Variants in MAPKAP1 observed in about 807,000 individuals in gnomAD.
The protein encoded by MAPKAP1 is MAPK associated protein 1.
In MAPKAP1, 20 loss-of-function variants were observed where a neutral mutation model predicts 65.7. The observed-to-expected ratio is 0.30, with a 90% CI of 0.21 to 0.44. MAPKAP1 has a LOEUF of 0.44. Among genes scored for constraint, MAPKAP1 ranks in the 20% least tolerant of loss-of-function variants. The pLI, the probability that MAPKAP1 is intolerant of heterozygous loss-of-function variation, is 1.00. For synonymous variants in MAPKAP1, 222 were observed against 244.3 expected (o/e 0.91, Z 0.85); for missense variants, 423 against 648.0 (o/e 0.65, Z 3.77).
At chr9:125,623,065 C>T (rs923695794) in intron 4 of MAPKAP1, among the ~76,000 whole-genome samples, 8 of 151,056 alleles carry the variant, frequency 5.3e-5, no homozygotes, top group Non-Finnish European at 1.0e-4. Flanking sequence ...CCCGAGGTGC[C>T]GGGATTGCAG....
At chr9:125,555,949 A>T (rs1178471655) in intron 6 of MAPKAP1, among the ~76,000 whole-genome samples, 1 of 152,208 alleles carries the variant, frequency 6.6e-6, no homozygotes, top group East Asian at 1.9e-4. Flanking sequence ...GCAGAGATCT[A>T]CTCAGTAACC....
intron 8 of MAPKAP1, among the ~76,000 whole-genome samples, chr9:125,502,787 T>C (rs1829023045): frequency 6.6e-6 from 1 of 152,250 alleles, no homozygotes; most frequent in African/African-American, 2.4e-5. Context: ...CTGTACCGCC[T>C]GTCCATGAGG....
At chr9:125,521,100 C>T (rs1190129095) in intron 7 of MAPKAP1, among the ~76,000 whole-genome samples, 2 of 152,196 alleles carry the variant, frequency 1.3e-5, no homozygotes, top group African/African-American at 4.8e-5. Context: ...CCAAAAACTT[C>T]AAAACTTGCA....
intron 7 of MAPKAP1, among the ~76,000 whole-genome samples, chr9:125,529,482 CT>C (rs1829873503): frequency 6.9e-6 from 1 of 144,054 alleles, no homozygotes; most frequent in Non-Finnish European, 1.5e-5. Flanking sequence ...TCACACTGTT[CT>C]GCTATTAAAA....
At chr9:125,662,865 A>C (rs999894781) in intron 3 of MAPKAP1, among the ~76,000 whole-genome samples, 9 of 152,098 alleles carry the variant, frequency 5.9e-5, no homozygotes, top group Non-Finnish European at 1.0e-4. Flanking sequence ...TTATATGTTA[A>C]AAATACAAAG....
chr9:125,664,883 G>GGA (rs1439059198), intron 3 of MAPKAP1, among the ~76,000 whole-genome samples: 1 of 152,144 alleles, frequency 6.6e-6, no homozygotes, highest in African/African-American at 2.4e-5. Context: ...AAACTGTCCA[G>GGA]GAGGTGAATT....
intron 9 of MAPKAP1, among the ~76,000 whole-genome samples, chr9:125,480,610 G>A (rs559805071): frequency 6.6e-6 from 1 of 152,328 alleles, no homozygotes; most frequent in African/African-American, 2.4e-5. Context: ...TGGACCTGGA[G>A]AGAGGGCAAT....
chr9:125,681,705 C>T (rs1173892485), intron 1 of MAPKAP1, among the ~76,000 whole-genome samples: 1 of 152,204 alleles, frequency 6.6e-6, no homozygotes, highest in African/African-American at 2.4e-5. Context: ...TACAGTAACA[C>T]ACCATAAGAA....
At chr9:125,657,038 A>G (rs1196481967) in intron 4 of MAPKAP1, among the ~76,000 whole-genome samples, 2 of 152,218 alleles carry the variant, frequency 1.3e-5, no homozygotes, top group South Asian at 4.1e-4. Flanking sequence ...AATGCAAGCA[A>G]TAGCCTAGAA....
At chr9:125,625,475 C>T (rs1833090862) in intron 4 of MAPKAP1, among the ~76,000 whole-genome samples, 1 of 152,050 alleles carries the variant, frequency 6.6e-6, no homozygotes, top group Non-Finnish European at 1.5e-5. Context: ...TTTTTATAAG[C>T]TTAACAAAAG....
chr9:125,448,132 C>T (rs970391437), intron 10 of MAPKAP1, among the ~76,000 whole-genome samples: 9 of 152,106 alleles, frequency 5.9e-5, no homozygotes, highest in African/African-American at 2.2e-4. Context: ...TAAGCAGTTC[C>T]CGTAGTCAGC....
intron 4 of MAPKAP1, among the ~76,000 whole-genome samples, chr9:125,654,969 A>T (rs1202368438): frequency 1.3e-5 from 2 of 152,144 alleles, no homozygotes; most frequent in Non-Finnish European, 2.9e-5. Context: ...CTCCCCAATT[A>T]TGTACTATTT....
In MAPKAP1 at chr9:125,577,732, C is replaced by T. The variant is rs200499764; in HGVS notation, c.671+7823G>A. ...GCCGCCCCATCCGGGAGGTGAGGGG[C>T]GCCTCTGCCTGGCCGCCCCTACTGG... On this transcript the variant is annotated intron_variant, in intron 5 of 11. Transcript: ENST00000265960. 5.3e-3 allele frequency among the ~76,000 whole-genome samples: 681 copies of T among 128,002 alleles called. 9 individuals are homozygous for T. The highest frequency in any genetic ancestry group is 0.029 in the East Asian group (89 of 3,060). 84.0% of individuals were successfully genotyped at this position (128,002 alleles called of 152,430 possible).
chr9:125,523,121 C>A (rs756348719), intron 7 of MAPKAP1, among the ~76,000 whole-genome samples: 23 of 152,316 alleles, frequency 1.5e-4, no homozygotes, highest in Admixed American at 9.8e-4. Flanking sequence ...AAAAACAGGG[C>A]TTCCTTTTTA....
chr9:125,466,976 C>G (rs531951793), intron 10 of MAPKAP1, among the ~76,000 whole-genome samples: 2 of 152,324 alleles, frequency 1.3e-5, no homozygotes, highest in African/African-American at 4.8e-5. Flanking sequence ...CTTTACATTT[C>G]TTATTGTTCC....
chr9:125,466,675 G>A (rs1461903758), intron 10 of MAPKAP1, among the ~76,000 whole-genome samples: 3 of 152,160 alleles, frequency 2.0e-5, no homozygotes, highest in Non-Finnish European at 4.4e-5. Context: ...CCAGCAGCAG[G>A]CACTTTTCTC....
chr9:125,486,676 G>C (rs1178515873), intron 8 of MAPKAP1, among the ~76,000 whole-genome samples: 1 of 152,112 alleles, frequency 6.6e-6, no homozygotes, highest in Non-Finnish European at 1.5e-5. Context: ...GACCATCCCA[G>C]CACCCACAAT....
chr9:125,642,122 T>C (rs944645548), intron 4 of MAPKAP1, among the ~76,000 whole-genome samples: 1 of 151,618 alleles, frequency 6.6e-6, no homozygotes, highest in Non-Finnish European at 1.5e-5. Flanking sequence ...AGAGAATCAC[T>C]TGAGCCCAGG....
In MAPKAP1 at chr9:125,610,444, CAG is replaced by C. The variant is rs368120795; in HGVS notation, c.499-24719_499-24718del. On this transcript the variant is annotated intron_variant, in intron 4 of 11. Transcript: ENST00000265960. ...TGAAAAGAGAATCTAGAATGAAAAA[CAG>C]AACATAATTTTGCCTTAATGATGGT... is the stretch of plus-strand genomic sequence containing the variant. 3.6e-3 allele frequency among the ~76,000 whole-genome samples: 554 copies of C among 152,166 alleles called. 5 individuals are homozygous for C. The highest frequency in any genetic ancestry group is 0.013 in the African/African-American group (534 of 41,510).
Sources: allele counts gnomAD v4.1 joint callset (sites outside exome capture counted in the v4.1 genomes callset), GRCh38; gene constraint gnomAD v4.1.1; transcripts MANE v1.5; gene names NCBI Gene and HGNC (gene_info 2026-07-23, HGNC 2026-07-21).